RAD54L2: variants seen among roughly 807,000 people sequenced by gnomAD.
The protein encoded by RAD54L2 is helicase ARIP4.
A neutral mutation model predicts 138.4 loss-of-function variants in RAD54L2; 27 were observed. The ratio of observed to expected loss-of-function variants is 0.20; its 90% CI spans 0.14 to 0.27. RAD54L2 has a LOEUF of 0.27. Among genes scored for constraint, RAD54L2 ranks in the 10% least tolerant of loss-of-function variants. RAD54L2 has a pLI of 1.00. For synonymous variants in RAD54L2, 644 were observed against 723.2 expected (o/e 0.89, Z 1.76); for missense variants, 1,396 against 1,890.2 (o/e 0.74, Z 4.85).
At position 51,656,132 on chromosome 3, in the gene RAD54L2, G is replaced by C. The variant is rs755481548; in HGVS notation, c.3188G>C (p.Arg1063Pro). Residue 1063 changes from arginine (R) to proline (P), a missense_variant, in exon 20 of 23, where the codon CGT becomes CCT. By Grantham distance (103) the Arg-to-Pro change is moderately radical. Coordinates refer to ENST00000684192, the MANE Select transcript of RAD54L2 (RefSeq NM_015106.4). ...SMNFPINYLQ[R>P]AGVLVQKVVT... ...AACTTTCCCATCAACTACTTGCAGC[G>C]TGCAGGAGTCCTTGTGCAGAAGGTG... The C allele has an allele frequency of 1.2e-6, 2 of 1,613,600 alleles. No homozygotes were observed. Among genetic ancestry groups the C allele is most frequent in the South Asian group, 2.2e-5 (2 of 91,070 alleles).
At chr3:51,582,380 T>C (rs554359793) in intron 2 of RAD54L2, among the ~76,000 whole-genome samples, 3 of 62,248 alleles carry the variant, frequency 4.8e-5, no homozygotes, top group African/African-American at 1.2e-4. Context: ...GAGATCTTAT[T>C]TTTTTCCTCT....
At chr3:51,576,699 T>G (rs559035002) in intron 2 of RAD54L2, among the ~76,000 whole-genome samples, 167 of 152,280 alleles carry the variant, frequency 1.1e-3, no homozygotes, top group African/African-American at 4.0e-3. Flanking sequence ...TGATGTTCCC[T>G]TTATCATTTT....
intron 3 of RAD54L2, among the ~76,000 whole-genome samples, chr3:51,595,815 A>G (rs1306484255): frequency 6.6e-6 from 1 of 151,866 alleles, no homozygotes; most frequent in African/African-American, 2.4e-5. Context: ...AATGGTAGGG[A>G]AAGTTGGGTG....
At chr3:51,591,556 A>T (rs1577408424) in intron 3 of RAD54L2, among the ~76,000 whole-genome samples, 1 of 152,100 alleles carries the variant, frequency 6.6e-6, no homozygotes, top group South Asian at 2.1e-4. Context: ...GCCCTCCTTT[A>T]TACTGTCCAG....
chr3:51,538,886 C>T lies in RAD54L2; in HGVS notation c.-146C>T, dbSNP rs1320420607. ...GTGAGGTCCCTCGGCCCTGCGCGGT[C>T]CGGCGCGGCCCGGAGCCGCGGCGCA... On this transcript the variant is annotated 5_prime_UTR_variant, in exon 1 of 23. Coordinates refer to ENST00000684192, the MANE Select transcript of RAD54L2 (RefSeq NM_015106.4). Among the ~76,000 whole-genome samples, 2 of 152,038 alleles carry T rather than the reference C, an allele frequency of 1.3e-5. No individual in the cohort carries two copies. Among genetic ancestry groups the T allele is most frequent in the Admixed American group, 6.5e-5 (1 of 15,276 alleles).
chr3:51,539,842 A>G (rs1003132833), intron 1 of RAD54L2, among the ~76,000 whole-genome samples: 3 of 152,058 alleles, frequency 2.0e-5, no homozygotes, highest in African/African-American at 4.8e-5. Context: ...GTGGCTGAAC[A>G]TTGAGGTGGA....
At chr3:51,658,307 G>A (rs1189590874) in intron 21 of RAD54L2, among the ~76,000 whole-genome samples, 2 of 151,716 alleles carry the variant, frequency 1.3e-5, no homozygotes, top group African/African-American at 2.4e-5. Flanking sequence ...GGAAAGAGCG[G>A]TGGAATGGGT....
In RAD54L2 at chr3:51,639,120, C is replaced by T. The variant is rs189886818; in HGVS notation, c.1861-299C>T. 138 of 398,354 alleles carry T rather than the reference C, an allele frequency of 3.5e-4. 1 individual carries two copies. The highest frequency in any genetic ancestry group is 1.4e-3 in the Admixed American group (35 of 24,370). The allele number at this position is 398,354 out of a possible 1,614,324, so 24.7% of individuals were successfully genotyped here. A position where few individuals can be genotyped will look rare whatever the true frequency, so the allele number is the denominator to read the frequency against. On this transcript the variant is annotated intron_variant, in intron 12 of 22. Transcript: ENST00000684192. ...ACTGTGAAACTGGAACATTCTTACT[C>T]TTATTTGAATAAGAATGTCAAAAAG...
At chr3:51,557,212 C>T (rs1698992805) in intron 2 of RAD54L2, among the ~76,000 whole-genome samples, 1 of 111,394 alleles carries the variant, frequency 9.0e-6, no homozygotes, top group Admixed American at 1.2e-4. Context: ...TTTTTTGAGA[C>T]AGGGTCTCAC....
intron 2 of RAD54L2, among the ~76,000 whole-genome samples, chr3:51,560,703 G>T (rs988909146): frequency 6.6e-6 from 1 of 152,002 alleles, no homozygotes; most frequent in Non-Finnish European, 1.5e-5. Context: ...TTTTTAACTG[G>T]CCTTCTATTT....
At chr3:51,586,643 A>G (rs887817434) in intron 2 of RAD54L2, among the ~76,000 whole-genome samples, 2 of 147,526 alleles carry the variant, frequency 1.4e-5, no homozygotes, top group Admixed American at 6.9e-5. Context: ...ATCTCAGCTC[A>G]CTGGAATCTC....
rs35035597 is a variant in RAD54L2, at chr3:51,668,065, C to CTGTGTGTGTGTG, written c.*4654_*4665dup. 6.7e-5 allele frequency: 10 copies of CTGTGTGTGTGTG among 150,042 alleles called. No homozygotes were observed. Among genetic ancestry groups the CTGTGTGTGTGTG allele is most frequent in the African/African-American group, 2.5e-4 (10 of 40,728 alleles). The allele number at this position is 150,042 out of a possible 1,614,324, so 9.3% of individuals were successfully genotyped here. On this transcript the variant is annotated 3_prime_UTR_variant, in exon 23 of 23. Transcript: ENST00000684192. ...CTCCCTGGAAGAGAGCTCAGCCCAGCTGTGTGTGTGTGTGTGTGTGAGTGT... is the reference window on the plus strand; with the variant it reads ...CTCCCTGGAAGAGAGCTCAGCCCAGCTGTGTGTGTGTGTGTGTGTGTGTGTGTGTGTGAGTGT...
At chr3:51,575,410 A>G (rs1337205885) in intron 2 of RAD54L2, among the ~76,000 whole-genome samples, 1 of 152,040 alleles carries the variant, frequency 6.6e-6, no homozygotes, top group Non-Finnish European at 1.5e-5. Flanking sequence ...CTTCATGGGG[A>G]TGGCATTGAA....
In RAD54L2 at chr3:51,667,785, T is replaced by G. The variant is rs1032922819; in HGVS notation, c.*4365T>G. 3.3e-5 allele frequency: 5 copies of G among 152,250 alleles called. No homozygotes were observed. Among genetic ancestry groups the G allele is most frequent in the African/African-American group, 7.2e-5 (3 of 41,460 alleles). The allele number at this position is 152,250 out of a possible 1,614,324, so 9.4% of individuals were successfully genotyped here. ...AGCTTAGCCCTAGGCCTTTTATGAA[T>G]ACCTGAGTCTTATAACAATGAACTT... On this transcript the variant is annotated 3_prime_UTR_variant, in exon 23 of 23. Transcript: ENST00000684192.
intron 3 of RAD54L2, among the ~76,000 whole-genome samples, chr3:51,607,787 A>G (rs1394838253): frequency 4.1e-5 from 6 of 145,720 alleles, no homozygotes; most frequent in Non-Finnish European, 9.0e-5. Context: ...CACCTCCCAG[A>G]TGGGGTGGCG....
Position 51,663,495 on chromosome 3 carries a change from C to A in RAD54L2, c.*75C>A, listed in dbSNP as rs1701841112. On this transcript the variant is annotated 3_prime_UTR_variant, in exon 23 of 23. Transcript: ENST00000684192. ...CAAGCTGAAAGGCAGTGATTTAGAC[C>A]TTTTGAGAATAGGACACTTGGCAGG... 2.7e-6 allele frequency: 4 copies of A among 1,479,916 alleles called. No individual in the cohort carries two copies. Among genetic ancestry groups the A allele is most frequent in the Non-Finnish European group, 1.8e-6 (2 of 1,094,716 alleles). The allele number at this position is 1,479,916 out of a possible 1,614,324, so 91.7% of individuals were successfully genotyped here. A position where few individuals can be genotyped will look rare whatever the true frequency, so the allele number is the denominator to read the frequency against.
rs938246113 is a variant in RAD54L2, at chr3:51,637,640, T to A, written c.1682+137T>A. ...GGGGCAGTAGTAAAACTTTGCTTCC[T>A]GTGACAAGCTAGCAGATGGTGGATA... is the stretch of plus-strand genomic sequence containing the variant. On this transcript the variant is annotated intron_variant, in intron 11 of 22. Transcript: ENST00000684192. This position sits in a 1 kb window ranked among gnomAD's most constrained non-coding sequence, Gnocchi z 5.9. 1 of 839,838 alleles carries A rather than the reference T, an allele frequency of 1.2e-6. No homozygotes were observed. The highest frequency in any genetic ancestry group is 1.8e-6 in the Non-Finnish European group (1 of 556,412). 52.0% of individuals were successfully genotyped at this position (839,838 alleles called of 1,614,324 possible).
At chr3:51,639,353 G>A (rs1348994126) in intron 12 of RAD54L2, 66 bp from the exon 13 acceptor site, 1 of 1,559,614 alleles carries the variant, frequency 6.4e-7, no homozygotes, top group African/African-American at 1.4e-5. Context: ...TGTGTTTCCA[G>A]ACTCCCTGGG....
intron 1 of RAD54L2, among the ~76,000 whole-genome samples, 123 bp downstream of exon 1, chr3:51,539,038 C>G (rs1559608746): frequency 1.3e-5 from 2 of 152,196 alleles, no homozygotes; most frequent in Non-Finnish European, 2.9e-5. Flanking sequence ...CTAGATGGAC[C>G]CAGCGGCCCG....
Sources: allele counts gnomAD v4.1 joint callset (sites outside exome capture counted in the v4.1 genomes callset), GRCh38; gene constraint gnomAD v4.1.1; non-coding constraint Gnocchi (gnomAD v3.1); transcripts MANE v1.5; gene names NCBI Gene and HGNC (gene_info 2026-07-23, HGNC 2026-07-21).